Variants in AFG2A observed in about 807,000 individuals in gnomAD.
The protein encoded by AFG2A is ATPase family gene 2 protein homolog A.
the AFG2A span, among the ~76,000 whole-genome samples, chr4:122,956,063 T>TAA: frequency 8.5e-5 from 13 of 152,350 alleles, no homozygotes; most frequent in African/African-American, 2.6e-4. Flanking sequence ...TTTGACTTTC[T>TAA]AATACATTTT....
chr4:122,948,850 T>G, the AFG2A span, among the ~76,000 whole-genome samples: 249 of 152,324 alleles, frequency 1.6e-3, 3 homozygotes, highest in Non-Finnish European at 1.7e-3. Context: ...AGCATACCCT[T>G]GCGTGGCCCT....
chr4:123,160,977 A>G, the AFG2A span, among the ~76,000 whole-genome samples: 38 of 152,304 alleles, frequency 2.5e-4, no homozygotes, highest in Middle Eastern at 3.4e-3. Flanking sequence ...AAAATTTCTT[A>G]TTGTACTATA....
chr4:123,025,805 A>G, the AFG2A span, among the ~76,000 whole-genome samples: 9 of 152,156 alleles, frequency 5.9e-5, no homozygotes, highest in Non-Finnish European at 1.3e-4. Flanking sequence ...AGCAGTTGTC[A>G]GTAGGAGTTT....
chr4:123,224,372 C>T, the AFG2A span, among the ~76,000 whole-genome samples: 1 of 152,022 alleles, frequency 6.6e-6, no homozygotes, highest in East Asian at 1.9e-4. Context: ...CCCCCCATCC[C>T]ACAACAGGCC....
chr4:123,185,173 G>A, the AFG2A span, among the ~76,000 whole-genome samples: 2 of 144,656 alleles, frequency 1.4e-5, no homozygotes, highest in African/African-American at 4.9e-5. Flanking sequence ...CTGAAAAATT[G>A]GAGGAATATT....
At chr4:123,042,142 G>GCA in the AFG2A span, among the ~76,000 whole-genome samples, 3 of 152,260 alleles carry the variant, frequency 2.0e-5, no homozygotes, top group South Asian at 6.2e-4. Flanking sequence ...GCATTGTGAA[G>GCA]GTAATTGTCT....
At chr4:123,016,850 C>G in the AFG2A span, among the ~76,000 whole-genome samples, 3 of 152,244 alleles carry the variant, frequency 2.0e-5, no homozygotes, top group East Asian at 5.8e-4. Context: ...CTGAGTGAAC[C>G]AGACTCCGTC....
the AFG2A span, among the ~76,000 whole-genome samples, chr4:123,125,901 T>C: frequency 6.6e-6 from 1 of 152,206 alleles, no homozygotes; most frequent in Non-Finnish European, 1.5e-5. Flanking sequence ...ATTACTGCCA[T>C]TGCCTCTTGA....
At chr4:123,045,960 G>A in the AFG2A span, among the ~76,000 whole-genome samples, 1 of 151,894 alleles carries the variant, frequency 6.6e-6, no homozygotes, top group African/African-American at 2.4e-5. Flanking sequence ...GCCAGGCGTG[G>A]TGACATATAC....
the AFG2A span, among the ~76,000 whole-genome samples, chr4:123,274,272 G>T: frequency 9.2e-3 from 1,392 of 152,076 alleles, 25 homozygotes; most frequent in South Asian, 0.087. Flanking sequence ...AAAACTAATA[G>T]TGCCTGGCCC....
chr4:122,980,095 A>T, the AFG2A span, among the ~76,000 whole-genome samples: 4 of 152,200 alleles, frequency 2.6e-5, no homozygotes, highest in Admixed American at 2.6e-4. Flanking sequence ...ATCACCACAA[A>T]GATCCCTCAT....
the AFG2A span, among the ~76,000 whole-genome samples, chr4:123,258,889 A>T: frequency 7.4e-6 from 1 of 134,536 alleles, no homozygotes; most frequent in Non-Finnish European, 1.5e-5. Context: ...TTTTTGAGAC[A>T]GAGTTTCGCC....
At chr4:122,935,929 G>GTGATAT in the AFG2A span, 7 of 1,378,292 alleles carry the variant, frequency 5.1e-6, no homozygotes, top group Non-Finnish European at 6.8e-6. Context: ...AGTATTCTGT[G>GTGATAT]TGATATTTTG....
At chr4:123,091,458 A>C in the AFG2A span, among the ~76,000 whole-genome samples, 2 of 152,186 alleles carry the variant, frequency 1.3e-5, no homozygotes, top group African/African-American at 4.8e-5. Context: ...AAGTTTTGAA[A>C]TTCTTTGTTT....
At chr4:123,168,179 T>G in the AFG2A span, among the ~76,000 whole-genome samples, 4 of 152,170 alleles carry the variant, frequency 2.6e-5, no homozygotes, top group Non-Finnish European at 5.9e-5. Context: ...GGTAGAATGC[T>G]AAAAGTTGTT....
At chr4:123,101,399 C>T in the AFG2A span, among the ~76,000 whole-genome samples, 1 of 151,882 alleles carries the variant, frequency 6.6e-6, no homozygotes, top group Non-Finnish European at 1.5e-5. Context: ...GACTTATATT[C>T]ATTCATTGAA....
At chr4:123,286,776 A>C in the AFG2A span, among the ~76,000 whole-genome samples, 1 of 152,098 alleles carries the variant, frequency 6.6e-6, no homozygotes, top group Non-Finnish European at 1.5e-5. Context: ...TGAAGGCTAA[A>C]GTAGGGAAGG....
the AFG2A span, among the ~76,000 whole-genome samples, chr4:123,264,387 G>A: frequency 6.6e-6 from 1 of 151,970 alleles, no homozygotes; most frequent in African/African-American, 2.4e-5. Context: ...ATAATAAAAG[G>A]TCTTTTGTGC....
chr4:123,276,123 T>C, the AFG2A span, among the ~76,000 whole-genome samples: 1 of 152,198 alleles, frequency 6.6e-6, no homozygotes, highest in African/African-American at 2.4e-5. Context: ...ATCATTCCCT[T>C]TTCCCTGACA....
Sources: allele counts gnomAD v4.1 joint callset (sites outside exome capture counted in the v4.1 genomes callset), GRCh38; gene constraint gnomAD v4.1.1; transcripts MANE v1.5; gene names NCBI Gene and HGNC (gene_info 2026-07-23, HGNC 2026-07-21).